Variants in STARD3 observed in about 807,000 individuals in gnomAD.
The protein encoded by STARD3 is StAR related lipid transfer domain containing 3, also known as stAR-related lipid transfer protein 3.
In STARD3, 39 loss-of-function variants were observed where a neutral mutation model predicts 62.0. That is an observed-to-expected ratio of 0.63 (90% CI 0.49 to 0.82). The LOEUF (loss-of-function observed/expected upper bound fraction) is 0.82, where lower values mean the gene tolerates loss of function less well. Among genes scored for constraint, STARD3 ranks in the 40% least tolerant of loss-of-function variants. STARD3 has a pLI of 0.00. For synonymous variants in STARD3, 229 were observed against 242.4 expected, an observed-to-expected ratio of 0.94 and a Z score of 0.51; for missense variants, 543 against 584.5, an observed-to-expected ratio of 0.93 and a Z score of 0.73.
At chr17:39,644,350 T>C (rs2144912108) in intron 1 of STARD3, among the ~76,000 whole-genome samples, 1 of 151,942 alleles carries the variant, frequency 6.6e-6, no homozygotes, top group Non-Finnish European at 1.5e-5. Flanking sequence ...CTCGAAGTGG[T>C]GGTGGTAGTT....
Position 39,660,167 on chromosome 17 carries a change from C to T in STARD3, c.796-44C>T, listed in dbSNP as rs1567861322. 10 of 1,608,674 alleles carry T rather than the reference C, an allele frequency of 6.2e-6. No homozygotes were observed. Among genetic ancestry groups the T allele is most frequent in the South Asian group, 1.1e-5 (1 of 90,950 alleles). ...CCATTTCTGTGCCACCAGCCCACCC[C>T]CTGCCTCCACTCTCCTCCCTGCCAC... On this transcript the variant is annotated intron_variant, in intron 9 of 14. Coordinates refer to ENST00000336308, the MANE Select transcript of STARD3 (RefSeq NM_006804.4). The surrounding 1 kb of genome is among the most constrained non-coding windows in gnomAD (Gnocchi z 4.8).
Position 39,657,822 on chromosome 17 carries a change from G to A in STARD3, c.345G>A (p.Val115=). The change falls in exon 4 of 15, where the codon GTG becomes GTA. Residue 115 remains valine, a synonymous_variant. Coordinates refer to ENST00000336308, the MANE Select transcript of STARD3 (RefSeq NM_006804.4). ...RFSGLLLGYA[V]LRLRHWWVIA... ...CTGGACTGCTCCTAGGCTATGCCGT[G>A]CTGCGGCTCCGGCACTGGTGGGTGA... The A allele has an allele frequency of 6.2e-7, 1 of 1,614,216 alleles. No individual in the cohort carries two copies. Among genetic ancestry groups the A allele is most frequent in the Non-Finnish European group, 8.5e-7 (1 of 1,180,038 alleles).
intron 1 of STARD3, among the ~76,000 whole-genome samples, chr17:39,639,335 C>T (rs1300854881): frequency 2.6e-5 from 4 of 152,194 alleles, no homozygotes; most frequent in African/African-American, 9.7e-5. Context: ...CAGACCTGGT[C>T]TGCTCAGGAA....
intron 2 of STARD3, among the ~76,000 whole-genome samples, chr17:39,654,802 A>G (rs1490018353): frequency 6.6e-6 from 1 of 152,266 alleles, no homozygotes; most frequent in Non-Finnish European, 1.5e-5. Flanking sequence ...TTATGTGACA[A>G]GAAAACAATG....
rs548994081 is a variant in STARD3, at chr17:39,659,100, T to C, written c.696T>C (p.Ser232=). 106 of 1,614,086 alleles carry C rather than the reference T, an allele frequency of 6.6e-5. No homozygotes were observed. The highest frequency in any genetic ancestry group is 8.6e-5 in the Non-Finnish European group (102 of 1,180,032). Residue 232 remains serine, a synonymous_variant, in exon 8 of 15, where the codon TCT becomes TCC. Coordinates refer to ENST00000336308, the MANE Select transcript of STARD3 (RefSeq NM_006804.4). ...DEEVAGKKSF[S]AQEREYIRQG... ...AAGTTGCTGGGAAGAAAAGTTTCTC[T>C]GCTCAGGTATTTGCCTGCCTACCCC...
rs1238380594 is a variant in STARD3 at position 39,661,002 on chromosome 17, C to T, written c.1056C>T (p.Arg352=). The T allele has an allele frequency of 6.2e-7, 1 of 1,613,710 alleles. No homozygotes were observed. The highest frequency in any genetic ancestry group is 1.3e-5 in the African/African-American group (1 of 74,918). The part of the protein sequence containing the change: ...VSPRDFVNVR[R]IERRRDRYLS... ...GCAGGGACTTCGTGAATGTCCGGCG[C>T]ATTGAGCGGCGCAGGGACCGATACT... Residue 352 remains arginine (R), a synonymous_variant, in exon 13 of 15, where the codon CGC becomes CGT. Transcript: ENST00000336308.
chr17:39,662,579 G>A (rs2057212260), intron 14 of STARD3: 1 of 627,918 alleles, frequency 1.6e-6, no homozygotes, highest in East Asian at 2.8e-5. Context: ...AGGAAGGGTG[G>A]CTGGTGGCCA....
intron 8 of STARD3, 148 bp from the exon 9 acceptor site, chr17:39,659,313 G>GGGCCCAGGGAGACC (rs2057168262): frequency 1.0e-6 from 1 of 980,578 alleles, no homozygotes; most frequent in Non-Finnish European, 1.5e-6. Context: ...CAAGCCTGCA[G>GGGCCCAGGGAGACC]GGCCCAGGGA....
At chr17:39,644,373 G>T (rs1354381512) in intron 1 of STARD3, among the ~76,000 whole-genome samples, 2 of 152,224 alleles carry the variant, frequency 1.3e-5, no homozygotes, top group East Asian at 3.9e-4. Flanking sequence ...TGTCTATGTG[G>T]TTAGACGTTA....
At chr17:39,662,092 C>A (rs1380493299) in intron 13 of STARD3, among the ~76,000 whole-genome samples, 159 bp from the exon 14 acceptor site, 1 of 152,080 alleles carries the variant, frequency 6.6e-6, no homozygotes, top group Non-Finnish European at 1.5e-5. Flanking sequence ...GCCCATGGGA[C>A]ACCTGTGCTA....
chr17:39,659,665 G>A, intron 9 of STARD3, 112 bp downstream of exon 9: 1 of 1,174,698 alleles, frequency 8.5e-7, no homozygotes, highest in African/African-American at 1.5e-5. Flanking sequence ...CCATATTCCT[G>A]CCCCAAGAGA....
At chr17:39,644,449 GC>G (rs1567854159) in intron 1 of STARD3, among the ~76,000 whole-genome samples, 1 of 152,028 alleles carries the variant, frequency 6.6e-6, no homozygotes, top group South Asian at 2.1e-4. Context: ...CTCCTTTGGT[GC>G]CCCCAGACAG....
At chr17:39,657,175 TC>T in intron 3 of STARD3, 90 bp downstream of exon 3, 1 of 1,265,406 alleles carries the variant, frequency 7.9e-7, no homozygotes, top group Non-Finnish European at 1.1e-6. Context: ...GCAGCATATA[TC>T]CAGTCTGATC....
intron 9 of STARD3, 63 bp downstream of exon 9, chr17:39,659,616 A>C: frequency 6.4e-7 from 1 of 1,551,964 alleles, no homozygotes; most frequent in Non-Finnish European, 8.9e-7. Context: ...CTCTTTTCTG[A>C]GGCCTGAGGA....
In STARD3 at chr17:39,660,917, C is replaced by T; in HGVS notation, c.1034+28C>T. 6.2e-7 allele frequency: 1 copy of T among 1,606,834 alleles called. No homozygotes were observed. The highest frequency in any genetic ancestry group is 8.5e-7 in the Non-Finnish European group (1 of 1,174,608). ...GAGTCCATGCCGGGCCCCCTCCTTTCAGCCAGGTCTTCTGCACTTTGGCCT... is the reference window on the plus strand; with the variant it reads ...GAGTCCATGCCGGGCCCCCTCCTTTTAGCCAGGTCTTCTGCACTTTGGCCT... On this transcript the variant is annotated intron_variant, in intron 12 of 14. Coordinates refer to ENST00000336308, the MANE Select transcript of STARD3 (RefSeq NM_006804.4). This position sits in a 1 kb window ranked among gnomAD's most constrained non-coding sequence, Gnocchi z 4.8.
chr17:39,660,241 G>A lies in STARD3; in HGVS notation c.826G>A (p.Val276Ile), dbSNP rs1238865716. 2 of 1,614,104 alleles carry A rather than the reference G, an allele frequency of 1.2e-6. No homozygotes were observed. Among genetic ancestry groups the A allele is most frequent in the African/African-American group, 2.7e-5 (2 of 75,026 alleles). ...TGGGGACACCGTGTACACCATTGAA[G>A]TTCCCTTTCACGGCAAGACGTTTAT... ...EYGDTVYTIE[V>I]PFHGKTFILK... The change falls in exon 10 of 15, where the codon GTT becomes ATT. Residue 276 changes from valine (V) to isoleucine (I), a missense_variant. Coordinates refer to ENST00000336308, the MANE Select transcript of STARD3 (RefSeq NM_006804.4). This position sits in a 1 kb window ranked among gnomAD's most constrained non-coding sequence, Gnocchi z 4.8.
chr17:39,662,195 G>T, intron 13 of STARD3, 56 bp from the exon 14 acceptor site: 2 of 1,507,592 alleles, frequency 1.3e-6, no homozygotes, highest in East Asian at 2.3e-5. Flanking sequence ...GGCTGCGGGG[G>T]GGTGTCAGGG....
chr17:39,656,717 C>T (rs552722531), intron 2 of STARD3, among the ~76,000 whole-genome samples: 1 of 152,252 alleles, frequency 6.6e-6, no homozygotes, highest in South Asian at 2.1e-4. Context: ...CATTGCCTCC[C>T]CTGCACAGCC....
intron 1 of STARD3, among the ~76,000 whole-genome samples, chr17:39,646,081 A>T (rs773843838): frequency 4.7e-5 from 7 of 149,090 alleles, no homozygotes; most frequent in Non-Finnish European, 1.0e-4. Flanking sequence ...TAGTAGAGAC[A>T]GGGTTTTGCC....
Sources: gnomAD v4.1 joint callset for allele counts (sites outside exome capture counted in the v4.1 genomes callset) on GRCh38, gnomAD v4.1.1 for gene constraint, Gnocchi (gnomAD v3.1) non-coding constraint, MANE v1.5 for transcripts, NCBI Gene and HGNC (gene_info 2026-07-23, HGNC 2026-07-21) for gene names.